The following ADAM12 variants were observed in gnomAD, a reference collection of about 807,000 sequenced individuals.
The protein encoded by ADAM12 is disintegrin and metalloproteinase domain-containing protein 12.
Under a neutral mutation model 106.4 loss-of-function variants are expected in ADAM12, and 70 were observed. The observed-to-expected ratio is 0.66, with a 90% CI of 0.54 to 0.80. The LOEUF (loss-of-function observed/expected upper bound fraction) is 0.80. ADAM12 is among the 30% of genes least tolerant of loss of function. The pLI is 0.00. For synonymous variants in ADAM12, 420 were observed against 433.5 expected, an observed-to-expected ratio of 0.97 and a Z score of 0.39; for missense variants, 1,010 against 1,171.9, an observed-to-expected ratio of 0.86 and a Z score of 2.02.
At chr10:126,183,329 C>A (rs1019620359) in intron 3 of ADAM12, among the ~76,000 whole-genome samples, 2 of 152,140 alleles carry the variant, frequency 1.3e-5, no homozygotes, top group African/African-American at 4.8e-5. Flanking sequence ...AACCCCATTC[C>A]ATGGAAAAAG....
intron 12 of ADAM12, chr10:126,067,128 C>T (rs1017548844): frequency 1.0e-4 from 30 of 300,354 alleles, no homozygotes; most frequent in East Asian, 8.9e-4. Flanking sequence ...GGTGTCCAGG[C>T]GGATCTCATT....
rs1465914164 is a variant in ADAM12 at position 126,071,582 on chromosome 10, C to T, written c.1218G>A (p.Gly406=). The T allele has an allele frequency of 3.7e-6, 6 of 1,614,052 alleles. No homozygotes were observed. The highest frequency in any genetic ancestry group is 5.1e-6 in the Non-Finnish European group (6 of 1,180,042). Residue 406 remains glycine, a synonymous_variant, in exon 12 of 23, where the codon GGG becomes GGA. Coordinates refer to ENST00000448723, the MANE Select transcript of ADAM12 (RefSeq NM_001288973.2). The part of the protein sequence containing the change: ...DLETSLEKGM[G]VCLFNLPEVR... Reference sequence around the variant, plus strand: ...CTTCCGGCAGGTTAAACAGGCACACCCCCATTCCTTTCTCCAGGCTGGTCT... The same window carrying T: ...CTTCCGGCAGGTTAAACAGGCACACTCCCATTCCTTTCTCCAGGCTGGTCT...
intron 5 of ADAM12, among the ~76,000 whole-genome samples, chr10:126,122,957 T>C (rs1235756326): frequency 6.6e-6 from 1 of 152,176 alleles, no homozygotes; most frequent in Admixed American, 6.5e-5. Flanking sequence ...ACTGAAAAAG[T>C]TTTTCTACAT....
chr10:126,191,057 A>G (rs1306195406), intron 3 of ADAM12, among the ~76,000 whole-genome samples: 4 of 135,548 alleles, frequency 3.0e-5, no homozygotes, highest in Non-Finnish European at 6.1e-5. Flanking sequence ...GCTGGAGTGC[A>G]GTAGCACAAT....
intron 2 of ADAM12, among the ~76,000 whole-genome samples, chr10:126,295,484 C>T (rs1366655895): frequency 2.6e-5 from 4 of 151,892 alleles, no homozygotes; most frequent in African/African-American, 7.3e-5. Flanking sequence ...ACTGTTCTTA[C>T]AATTGAATTT....
At chr10:126,070,816 T>C (rs561812153) in intron 12 of ADAM12, among the ~76,000 whole-genome samples, 1 of 152,314 alleles carries the variant, frequency 6.6e-6, no homozygotes, top group East Asian at 1.9e-4. Context: ...TCTTTCCTTC[T>C]TGAGATTATT....
At chr10:126,246,922 C>T (rs533166828) in intron 3 of ADAM12, among the ~76,000 whole-genome samples, 2 of 152,256 alleles carry the variant, frequency 1.3e-5, no homozygotes, top group East Asian at 1.9e-4. Flanking sequence ...CATCCAAATA[C>T]GAAGAGCAGA....
At chr10:126,371,150 A>G (rs1856102725) in intron 1 of ADAM12, among the ~76,000 whole-genome samples, 1 of 152,228 alleles carries the variant, frequency 6.6e-6, no homozygotes, top group Admixed American at 6.5e-5. Flanking sequence ...ATCTGGAAGA[A>G]AGAGTGGTCA....
intron 3 of ADAM12, among the ~76,000 whole-genome samples, chr10:126,278,372 C>A (rs1465462638): frequency 6.6e-6 from 1 of 152,070 alleles, no homozygotes; most frequent in Non-Finnish European, 1.5e-5. Context: ...ATAATAGTAT[C>A]CAAGCGGCCC....
intron 3 of ADAM12, among the ~76,000 whole-genome samples, chr10:126,173,011 A>G (rs1329278071): frequency 6.6e-6 from 1 of 152,218 alleles, no homozygotes; most frequent in Non-Finnish European, 1.5e-5. Flanking sequence ...ACAAGAACAG[A>G]AAACCCACAC....
At chr10:126,159,227 G>A (rs1028342272) in intron 3 of ADAM12, among the ~76,000 whole-genome samples, 2 of 145,550 alleles carry the variant, frequency 1.4e-5, no homozygotes, top group African/African-American at 2.5e-5. Context: ...GGAGAATGGC[G>A]TGAACCTGGG....
chr10:126,038,224 A>G lies in ADAM12; in HGVS notation c.2349+17T>C, dbSNP rs1369992612. 6.3e-6 allele frequency: 10 copies of G among 1,594,368 alleles called. No homozygotes were observed. The highest frequency in any genetic ancestry group is 1.1e-5 in the South Asian group (1 of 87,906). On this transcript the variant is annotated intron_variant, in intron 20 of 22. Transcript: ENST00000448723. ...CTGCATGTGTGCCCTGAGCACTCAC[A>G]TCTACTCAAGACTCACCTTCGGTGG... is the stretch of plus-strand genomic sequence containing the variant.
At chr10:126,212,920 A>G (rs905249433) in intron 3 of ADAM12, among the ~76,000 whole-genome samples, 3 of 151,082 alleles carry the variant, frequency 2.0e-5, no homozygotes, top group Non-Finnish European at 3.0e-5. Context: ...AGCATTATTG[A>G]GATATGCTTC....
intron 1 of ADAM12, among the ~76,000 whole-genome samples, chr10:126,341,855 GT>G (rs761927167): frequency 1.7e-4 from 26 of 152,326 alleles, no homozygotes; most frequent in East Asian, 1.2e-3. Flanking sequence ...GACTCGGTTA[GT>G]TTTTGAAGGT....
intron 1 of ADAM12, among the ~76,000 whole-genome samples, chr10:126,337,931 T>G (rs1020948420): frequency 2.6e-5 from 4 of 152,142 alleles, no homozygotes; most frequent in African/African-American, 9.7e-5. Flanking sequence ...AAAAATAAAC[T>G]TAAAAAGATC....
intron 3 of ADAM12, among the ~76,000 whole-genome samples, chr10:126,163,004 C>T (rs1565106570): frequency 6.6e-6 from 1 of 152,088 alleles, no homozygotes; most frequent in Non-Finnish European, 1.5e-5. Context: ...AAGCATGTGG[C>T]ACCTCCTCCT....
chr10:126,316,408 C>A (rs1240526563), intron 2 of ADAM12, among the ~76,000 whole-genome samples: 1 of 152,180 alleles, frequency 6.6e-6, no homozygotes, highest in Non-Finnish European at 1.5e-5. Flanking sequence ...GATAATTCCA[C>A]CCAATAGTAT....
rs1332259139 is a variant in ADAM12, at chr10:126,248,665, GTATGTATGTATGTATGTATGTATTTATT to G, written c.260+30222_260+30249del. 3.2e-4 allele frequency among the ~76,000 whole-genome samples: 22 copies of G among 68,476 alleles called. No individual in the cohort carries two copies. The South Asian group carries it at 0.011, about 34-fold the overall frequency. The allele number at this position is 68,476 out of a possible 152,430, so 44.9% of individuals were successfully genotyped here. A position where few individuals can be genotyped will look rare whatever the true frequency, so the allele number is the denominator to read the frequency against. ...GCCTCACAGGTATGTATGTATGTAT[GTATGTATGTATGTATGTATGTATTTATT>G]TATTTATTTATTTATTTATTTATTT... On this transcript the variant is annotated intron_variant, in intron 3 of 22. Transcript: ENST00000448723.
At chr10:126,127,064 C>A (rs1370144855) in intron 5 of ADAM12, among the ~76,000 whole-genome samples, 1 of 152,176 alleles carries the variant, frequency 6.6e-6, no homozygotes, top group Non-Finnish European at 1.5e-5. Flanking sequence ...GCATGCACGT[C>A]AAAGCTTCTT....
Sources: allele counts gnomAD v4.1 joint callset (sites outside exome capture counted in the v4.1 genomes callset), GRCh38; gene constraint gnomAD v4.1.1; transcripts MANE v1.5; gene names NCBI Gene and HGNC (gene_info 2026-07-23, HGNC 2026-07-21).